The following ZGPAT variants were observed in gnomAD, a reference collection of about 807,000 sequenced individuals.
The protein encoded by ZGPAT is zinc finger CCCH-type with G patch domain-containing protein.
A neutral mutation model predicts 47.9 loss-of-function variants in ZGPAT; 39 were observed. The observed-to-expected ratio is 0.81, with a 90% CI of 0.63 to 1.06. The LOEUF (loss-of-function observed/expected upper bound fraction) is 1.06, where lower values mean the gene tolerates loss of function less well. Ranked by LOEUF, ZGPAT falls within the 50% of genes least tolerant of loss-of-function variation. The pLI is 0.00. For synonymous variants in ZGPAT, 348 were observed against 292.9 expected (o/e 1.19, Z -1.92); for missense variants, 717 against 681.4 (o/e 1.05, Z -0.58).
At chr20:63,709,695 T>C (rs2091637106) in intron 2 of ZGPAT, among the ~76,000 whole-genome samples, 1 of 151,860 alleles carries the variant, frequency 6.6e-6, no homozygotes, top group Non-Finnish European at 1.5e-5. Context: ...TTAATTTTTT[T>C]TGAGACAGGG....
In ZGPAT at chr20:63,735,841, G is replaced by A. The variant is rs148485530; in HGVS notation, c.1458G>A (p.Gly486=). Residue 486 remains glycine, a synonymous_variant, in exon 7 of 7, where the codon GGG becomes GGA. Coordinates refer to ENST00000355969, the MANE Select transcript of ZGPAT (RefSeq NM_181485.3). Reference sequence around the variant, plus strand: ...TGGCAGGAGCCCAGCGCCAGCTGGGGCAGCTCCGGGCTCAGGAAGCCGGCC... The same window carrying A: ...TGGCAGGAGCCCAGCGCCAGCTGGGACAGCTCCGGGCTCAGGAAGCCGGCC... ...EKLAGAQRQL[G]QLRAQEAGLQ... 6.2e-6 allele frequency: 10 copies of A among 1,612,502 alleles called. No individual in the cohort carries two copies. Among genetic ancestry groups the A allele is most frequent in the Non-Finnish European group, 8.5e-6 (10 of 1,179,814 alleles).
rs1378793977 is a variant in ZGPAT at position 63,735,900 on chromosome 20, A to G, written c.1517A>G (p.Lys506Arg). Reference protein sequence around the residue: ...QQEQRKADTHKKMTEF With the variant: ...QQEQRKADTHRKMTEF ...GAGCAGAGGAAGGCAGACACCCACAAGAAGATGACTGAGTTCTAGAGACCC... is the reference window on the plus strand; with the variant it reads ...GAGCAGAGGAAGGCAGACACCCACAGGAAGATGACTGAGTTCTAGAGACCC... The change falls in exon 7 of 7, where the codon AAG becomes AGG. Residue 506 changes from lysine to arginine, a missense_variant. Transcript: ENST00000355969. 3.7e-6 allele frequency: 6 copies of G among 1,612,560 alleles called. No homozygotes were observed. Among genetic ancestry groups the G allele is most frequent in the East Asian group, 4.5e-5 (2 of 44,876 alleles).
At chr20:63,724,378 AAAG>A (rs1429166539) in intron 2 of ZGPAT, among the ~76,000 whole-genome samples, 65 of 135,632 alleles carry the variant, frequency 4.8e-4, no homozygotes, top group African/African-American at 1.4e-3. Context: ...AAAAAAAAAA[AAAG>A]AAAAGAAAAG....
rs192771796 is a variant in ZGPAT, at chr20:63,710,354, A to G, written c.584+1190A>G. 4.3e-4 allele frequency among the ~76,000 whole-genome samples: 65 copies of G among 150,126 alleles called. 1 individual carries two copies. In the East Asian group the frequency reaches 0.011, roughly 25 times the overall value. On this transcript the variant is annotated intron_variant, in intron 2 of 6. Coordinates refer to ENST00000355969, the MANE Select transcript of ZGPAT (RefSeq NM_181485.3). ...TTTTTAGTAGAGTCGGAGATTCACC[A>G]TCTTGGCCAGGCTGGTCTTGAACTC...
chr20:63,715,249 T>TC (rs937908133), intron 2 of ZGPAT, among the ~76,000 whole-genome samples: 3 of 150,154 alleles, frequency 2.0e-5, no homozygotes, highest in African/African-American at 7.3e-5. Context: ...TTTTTCTTTT[T>TC]TTTTTTTTTT....
chr20:63,726,591 C>T (rs574942034), intron 2 of ZGPAT, among the ~76,000 whole-genome samples: 6 of 151,034 alleles, frequency 4.0e-5, no homozygotes, highest in Non-Finnish European at 7.4e-5. Context: ...GGTGCAATCT[C>T]GGCTCACTGC....
At chr20:63,733,398 C>A (rs776483029) in intron 3 of ZGPAT, 46 bp downstream of exon 3, 6 of 1,602,844 alleles carry the variant, frequency 3.7e-6, no homozygotes, top group Non-Finnish European at 5.1e-6. Flanking sequence ...TCCCAGGCCC[C>A]ACGTGTGTTG....
intron 1 of ZGPAT, 94 bp from the exon 2 acceptor site, chr20:63,708,459 C>T: frequency 1.1e-6 from 1 of 902,026 alleles, no homozygotes; most frequent in Non-Finnish European, 1.7e-6. Context: ...CGGTGTCTCC[C>T]CGAGGGAAAG....
At chr20:63,727,186 C>T (rs147657400) in intron 2 of ZGPAT, among the ~76,000 whole-genome samples, 4 of 152,012 alleles carry the variant, frequency 2.6e-5, no homozygotes, top group African/African-American at 7.2e-5. Context: ...CTAAAAATGT[C>T]CTTTCAGTGA....
chr20:63,721,490 T>G (rs1448052791), intron 2 of ZGPAT, among the ~76,000 whole-genome samples: 1 of 152,094 alleles, frequency 6.6e-6, no homozygotes, highest in Non-Finnish European at 1.5e-5. Context: ...CCATGGAGCC[T>G]AAGGATGAAC....
At chr20:63,734,620 A>G (rs745747574) in intron 4 of ZGPAT, 85 bp from the exon 5 acceptor site, 3 of 1,572,942 alleles carry the variant, frequency 1.9e-6, no homozygotes, top group East Asian at 4.5e-5. Flanking sequence ...TGGCTGGGCC[A>G]CTGCCCTCTG....
At chr20:63,714,778 G>T (rs552148228) in intron 2 of ZGPAT, among the ~76,000 whole-genome samples, 1 of 151,926 alleles carries the variant, frequency 6.6e-6, no homozygotes, top group African/African-American at 2.4e-5. Context: ...GAGTAGGTGA[G>T]ACTACAGGCA....
intron 2 of ZGPAT, among the ~76,000 whole-genome samples, chr20:63,713,286 AG>A (rs1462816621): frequency 6.6e-6 from 1 of 151,262 alleles, no homozygotes; most frequent in Non-Finnish European, 1.5e-5. Flanking sequence ...GCTGGAGTGA[AG>A]TGGCCCAATC....
chr20:63,728,288 G>A lies in ZGPAT; in HGVS notation c.585-4931G>A, dbSNP rs1222940999. On this transcript the variant is annotated intron_variant, in intron 2 of 6. Transcript: ENST00000355969. ...CCTGACCTTGTGATCCGCCCACCTC[G>A]GCCTCTCAAAGTGCTCGGATTACAG... Among the ~76,000 whole-genome samples, 5 of 152,038 alleles carry A rather than the reference G, an allele frequency of 3.3e-5. No homozygotes were observed. The East Asian group carries it at 5.8e-4, about 18-fold the overall frequency.
chr20:63,717,215 T>G (rs2091738044), intron 2 of ZGPAT, among the ~76,000 whole-genome samples: 1 of 152,126 alleles, frequency 6.6e-6, no homozygotes, highest in Non-Finnish European at 1.5e-5. Flanking sequence ...TTCATTTATT[T>G]CCATTTTAAC....
chr20:63,723,502 GACATA>G, intron 2 of ZGPAT, among the ~76,000 whole-genome samples: 1 of 123,818 alleles, frequency 8.1e-6, no homozygotes, highest in African/African-American at 3.2e-5. Context: ...CTTCTCCTCT[GACATA>G]GCTCCATCCT....
chr20:63,728,784 T>C (rs2091868647), intron 2 of ZGPAT, among the ~76,000 whole-genome samples: 1 of 152,212 alleles, frequency 6.6e-6, no homozygotes, highest in Non-Finnish European at 1.5e-5. Context: ...CCTCTGCTGC[T>C]GCTGGTTTTT....
At chr20:63,723,767 C>A (rs1312168592) in intron 2 of ZGPAT, among the ~76,000 whole-genome samples, 1 of 152,226 alleles carries the variant, frequency 6.6e-6, no homozygotes, top group African/African-American at 2.4e-5. Context: ...ATTATTGCTT[C>A]AAAAGTATTT....
chr20:63,731,817 G>A (rs1349515071), intron 2 of ZGPAT, among the ~76,000 whole-genome samples: 1 of 152,176 alleles, frequency 6.6e-6, no homozygotes, highest in East Asian at 1.9e-4. Flanking sequence ...AATAATTGGG[G>A]AAGAAAAGGA....
Sources: allele counts gnomAD v4.1 joint callset (sites outside exome capture counted in the v4.1 genomes callset), GRCh38; gene constraint gnomAD v4.1.1; transcripts MANE v1.5; gene names NCBI Gene and HGNC (gene_info 2026-07-23, HGNC 2026-07-21).